Variants in GAA observed in about 807,000 individuals in gnomAD.
GAA encodes alpha glucosidase.
In GAA, 88 loss-of-function variants were observed where a neutral mutation model predicts 103.9. That is an observed-to-expected ratio of 0.85 (90% CI 0.71 to 1.01). The LOEUF (loss-of-function observed/expected upper bound fraction) is 1.01. Ranked by LOEUF, GAA falls within the 50% of genes least tolerant of loss-of-function variation. GAA has a pLI of 0.00. For synonymous variants in GAA, 572 were observed against 563.1 expected (o/e 1.02, Z -0.22); for missense variants, 1,350 against 1,305.3 (o/e 1.03, Z -0.53).
In GAA at chr17:80,119,283, C is replaced by G. The variant is rs2039429760; in HGVS notation, c.2811C>G (p.Ile937Met). 6.2e-7 allele frequency: 1 copy of G among 1,614,064 alleles called. No homozygotes were observed. Among genetic ancestry groups the G allele is most frequent in the African/African-American group, 1.3e-5 (1 of 75,030 alleles). ...TYSPDTKVLD[I>M]CVSLLMGEQF... ...TCTCTCTTTTCCAGGTCCTGGACAT[C>G]TGTGTCTCGCTGTTGATGGGAGAGC... The change falls in exon 20 of 20, where the codon ATC becomes ATG. Residue 937 changes from isoleucine to methionine, a missense_variant. Physicochemically the swap from Ile to Met is conservative, Grantham distance 10. Coordinates refer to ENST00000302262, the MANE Select transcript of GAA (RefSeq NM_000152.5).
rs528369909 is a variant in GAA, at chr17:80,108,787, C to T, written c.1285C>T (p.Gln429Ter). The change falls in exon 8 of 20, where the codon CAG (glutamine) becomes TAG (stop). Residue 429 changes from glutamine (Q) to a stop codon, truncating the protein, a stop_gained. Coordinates refer to ENST00000302262, the MANE Select transcript of GAA (RefSeq NM_000152.5). LOFTEE classifies it high-confidence loss of function. ...DGFRDFPAMVQELHQGGRRYM... is the reference protein window; with the variant it reads ...DGFRDFPAMV ...CTTCCGGGACTTCCCGGCCATGGTG[C>T]AGGAGCTGCACCAGGGCGGCCGGCG... 6.2e-7 allele frequency: 1 copy of T among 1,607,584 alleles called. No individual in the cohort carries two copies. The highest frequency in any genetic ancestry group is 1.1e-5 in the South Asian group (1 of 90,236).
intron 13 of GAA, 80 bp from the exon 14 acceptor site, chr17:80,112,796 G>A (rs750734910): frequency 1.9e-6 from 3 of 1,576,470 alleles, no homozygotes; most frequent in Non-Finnish European, 2.6e-6. Context: ...CACCCACTTA[G>A]CAGGTGGGGC....
intron 15 of GAA, among the ~76,000 whole-genome samples, chr17:80,115,546 CTT>C (rs1324280519): frequency 3.9e-5 from 6 of 152,192 alleles, no homozygotes; most frequent in Admixed American, 2.6e-4. Flanking sequence ...GACGTAAACT[CTT>C]TGTCTAGTAA....
At chr17:80,113,459 C>A in intron 15 of GAA, 93 bp downstream of exon 15, 1 of 1,228,992 alleles carries the variant, frequency 8.1e-7, no homozygotes. Context: ...GGGCTGTGTT[C>A]CCCAGGACCC....
intron 16 of GAA, 126 bp downstream of exon 16, chr17:80,117,235 G>T (rs1482922965): frequency 2.9e-6 from 3 of 1,035,018 alleles, no homozygotes; most frequent in Non-Finnish European, 4.3e-6. Context: ...TCCCGGCCAT[G>T]TGCCAGGCCC....
chr17:80,105,015 C>A lies in GAA; in HGVS notation c.429C>A (p.Ser143=). 1.2e-6 allele frequency: 2 copies of A among 1,612,964 alleles called. No homozygotes were observed. Among genetic ancestry groups the A allele is most frequent in the Non-Finnish European group, 1.7e-6 (2 of 1,180,018 alleles). Residue 143 remains serine (S), a synonymous_variant, in exon 2 of 20, where the codon TCC becomes TCA. Transcript: ENST00000302262. ...YPSYKLENLS[S]SEMGYTATLT... is the part of the protein sequence containing the mutation. The stretch of plus-strand genomic sequence containing the variant: ...GCTACAAGCTGGAGAACCTGAGCTC[C>A]TCTGAAATGGGCTACACGGCCACCC...
rs1328159128 is a variant in GAA, at chr17:80,119,271, G to A, written c.2800-1G>A. The A allele has an allele frequency of 6.2e-7, 1 of 1,614,008 alleles. No individual in the cohort carries two copies. Among genetic ancestry groups the A allele is most frequent in the Non-Finnish European group, 8.5e-7 (1 of 1,179,900 alleles). On this transcript the variant is annotated splice_acceptor_variant, in intron 19 of 19. Transcript: ENST00000302262. LOFTEE classifies it high-confidence loss of function. ...CTCCATTTGTGCTCTCTCTTTTCCA[G>A]GTCCTGGACATCTGTGTCTCGCTGT...
Position 80,112,137 on chromosome 17 carries a change from C to G in GAA, c.1754+37C>G, listed in dbSNP as rs1175506581. Reference sequence around the variant, plus strand: ...GTCCCGCCCCACTGGGCTCTGCCCTCACAGCCTGTCCTACAAGGTTGGGGC... The same window carrying G: ...GTCCCGCCCCACTGGGCTCTGCCCTGACAGCCTGTCCTACAAGGTTGGGGC... On this transcript the variant is annotated intron_variant, in intron 12 of 19. Transcript: ENST00000302262. 5 of 1,576,406 alleles carry G rather than the reference C, an allele frequency of 3.2e-6. No homozygotes were observed. The Admixed American group carries it at 8.3e-5, about 26-fold the overall frequency.
At chr17:80,111,247 A>G (rs535423143) in intron 11 of GAA, among the ~76,000 whole-genome samples, 1 of 152,342 alleles carries the variant, frequency 6.6e-6, no homozygotes, top group South Asian at 2.1e-4. Flanking sequence ...GACGCCGCTC[A>G]CAGGTGCTTG....
In GAA at chr17:80,111,154, C is replaced by G. The variant is rs936976633; in HGVS notation, c.1636+129C>G. On this transcript the variant is annotated intron_variant, in intron 11 of 19. Transcript: ENST00000302262. ...GCGGGGAAAGGGGCGGGGGGGGGAT[C>G]CCCAGGAGAAAGGCTCAGGCTGGGA... 1.6e-4 allele frequency: 141 copies of G among 899,690 alleles called. 1 individual carries two copies. The highest frequency in any genetic ancestry group is 2.9e-4 in the Middle Eastern group (1 of 3,460). 55.7% of individuals were successfully genotyped at this position (899,690 alleles called of 1,614,324 possible).
intron 13 of GAA, 56 bp from the exon 14 acceptor site, chr17:80,112,820 G>A: frequency 6.3e-7 from 1 of 1,586,074 alleles, no homozygotes; most frequent in Non-Finnish European, 8.6e-7. Context: ...GGGTCACTTG[G>A]CCTGAGCTGG....
In GAA at chr17:80,119,554, CG is replaced by C; in HGVS notation, c.*227del. 1.8e-6 allele frequency: 1 copy of C among 570,558 alleles called. No homozygotes were observed. Among genetic ancestry groups the C allele is most frequent in the Non-Finnish European group, 3.2e-6 (1 of 313,978 alleles). The allele number at this position is 570,558 out of a possible 1,614,324, so 35.3% of individuals were successfully genotyped here. A position where few individuals can be genotyped will look rare whatever the true frequency, so the allele number is the denominator to read the frequency against. On this transcript the variant is annotated 3_prime_UTR_variant, in exon 20 of 20. Coordinates refer to ENST00000302262, the MANE Select transcript of GAA (RefSeq NM_000152.5). ...TTTCTCCCTAGATCGCACTGTGGGC[CG>C]GGGCCCTGGAGGGCTGCTCTGTGTT...
intron 11 of GAA, chr17:80,111,640 C>T: frequency 2.6e-6 from 1 of 379,248 alleles, no homozygotes; most frequent in South Asian, 2.7e-5. Flanking sequence ...TATAGTTTGG[C>T]CCAGCAAAGA....
intron 15 of GAA, among the ~76,000 whole-genome samples, chr17:80,114,024 G>T (rs938096305): frequency 2.3e-4 from 33 of 144,302 alleles, no homozygotes; most frequent in African/African-American, 8.0e-4. Context: ...AAAAAACCAA[G>T]CTGTGAAAGA....
In GAA at chr17:80,105,132, G is replaced by A. The variant is rs143523371; in HGVS notation, c.546G>A (p.Thr182=). The change falls in exon 2 of 20, where the codon ACG becomes ACA. Residue 182 remains threonine (T), a splice_region_variant and synonymous_variant. Coordinates refer to ENST00000302262, the MANE Select transcript of GAA (RefSeq NM_000152.5). The part of the protein sequence containing the change: ...MMETENRLHF[T]IKDPANRRYE... ...AGACTGAGAACCGCCTCCACTTCAC[G>A]GTGGGCAGGGCAGGGGCGGGGGCGG... 144 of 1,604,030 alleles carry A rather than the reference G, an allele frequency of 9.0e-5. No individual in the cohort carries two copies. Among genetic ancestry groups the A allele is most frequent in the Non-Finnish European group, 1.2e-4 (137 of 1,177,056 alleles).
intron 3 of GAA, among the ~76,000 whole-genome samples, chr17:80,106,419 G>A (rs12939656): frequency 6.7e-6 from 1 of 149,126 alleles, no homozygotes; most frequent in Admixed American, 6.6e-5. Context: ...CTAGAAGCCA[G>A]CTGTGCAGAC....
In GAA at chr17:80,113,241, C is replaced by T. The variant is rs140996643; in HGVS notation, c.2064C>T (p.Ser688=). The change falls in exon 15 of 20, where the codon AGC becomes AGT. Residue 688 remains serine (S), a synonymous_variant. Transcript: ENST00000302262. The stretch of plus-strand genomic sequence containing the variant: ...AGCCCCAGGAGCCGTACAGCTTCAG[C>T]GAGCCGGCCCAGCAGGCCATGAGGA... ...LSLPQEPYSF[S]EPAQQAMRKA... is the part of the protein sequence containing the mutation. 1.5e-5 allele frequency: 24 copies of T among 1,600,990 alleles called. No homozygotes were observed. The highest frequency in any genetic ancestry group is 2.3e-5 in the East Asian group (1 of 44,288).
At chr17:80,109,816 C>A in intron 8 of GAA, 129 bp from the exon 9 acceptor site, 1 of 685,780 alleles carries the variant, frequency 1.5e-6, no homozygotes. Flanking sequence ...TGTGCAGGTA[C>A]ACAGGCAGGC....
rs772822397 is a variant in GAA at position 80,112,579 on chromosome 17, G to T, written c.1756G>T (p.Ala586Ser). 1 of 1,612,988 alleles carries T rather than the reference G, an allele frequency of 6.2e-7. No individual in the cohort carries two copies. The highest frequency in any genetic ancestry group is 2.2e-5 in the East Asian group (1 of 44,878). ...TCACGGTGTCCCCCACCACCCCAGG[G>T]CGCTGGTGAAGGCTCGGGGGACACG... ...GLTEAIASHR[A>S]LVKARGTRPF... Residue 586 changes from alanine to serine, a missense_variant and splice_region_variant, in exon 13 of 20, where the codon GCG (alanine) becomes TCG (serine). Ala to Ser is a moderately conservative substitution (Grantham distance 99). Transcript: ENST00000302262.
Sources: allele counts gnomAD v4.1 joint callset (sites outside exome capture counted in the v4.1 genomes callset), GRCh38; gene constraint gnomAD v4.1.1; transcripts MANE v1.5; gene names NCBI Gene and HGNC (gene_info 2026-07-23, HGNC 2026-07-21).